Variants in NR2F1-AS1 observed in about 807,000 individuals in gnomAD.
The protein encoded by NR2F1-AS1 is NR2F1 antisense RNA 1.
intron 4 of NR2F1-AS1, among the ~76,000 whole-genome samples, chr5:93,509,294 T>G (rs1751248181): frequency 6.6e-6 from 1 of 152,124 alleles, no homozygotes; most frequent in South Asian, 2.1e-4. Context: ...CAGAACTCTC[T>G]GCAATAATGA....
chr5:93,505,101 T>C (rs1446698287), intron 4 of NR2F1-AS1, among the ~76,000 whole-genome samples: 1 of 152,106 alleles, frequency 6.6e-6, no homozygotes, highest in African/African-American at 2.4e-5. Context: ...ATACAGCTGT[T>C]CCAAATGAAA....
chr5:93,571,253 C>G (rs1752760141), intron 1 of NR2F1-AS1: 1 of 151,408 alleles, frequency 6.6e-6, no homozygotes. Flanking sequence ...CCATTCGGGG[C>G]GGGGAGCTTC....
intron 4 of NR2F1-AS1, among the ~76,000 whole-genome samples, chr5:93,534,910 C>T (rs1157105938): frequency 5.9e-5 from 9 of 152,188 alleles, no homozygotes; most frequent in Non-Finnish European, 1.3e-4. Flanking sequence ...GCTCCTAACT[C>T]TTGGTTCTCC....
chr5:93,529,288 T>C (rs1340841946), intron 4 of NR2F1-AS1, among the ~76,000 whole-genome samples: 1 of 152,150 alleles, frequency 6.6e-6, no homozygotes, highest in African/African-American at 2.4e-5. Flanking sequence ...TACTGGCAAT[T>C]GTACTGAGAC....
chr5:93,514,901 G>T (rs919853832), intron 4 of NR2F1-AS1, among the ~76,000 whole-genome samples: 6 of 151,968 alleles, frequency 3.9e-5, no homozygotes, highest in Admixed American at 1.3e-4. Flanking sequence ...AATAGTCCAT[G>T]TAACAAAGCA....
chr5:93,581,767 CCCTCT>C (rs1341823546), upstream of NR2F1-AS1, among the ~76,000 whole-genome samples: 1 of 4,692 alleles, frequency 2.1e-4, no homozygotes, highest in Non-Finnish European at 5.9e-4. Context: ...TCTCCTCTCT[CCCTCT>C]CCCTCTCCCT....
intron 4 of NR2F1-AS1, among the ~76,000 whole-genome samples, chr5:93,515,615 G>A (rs918960003): frequency 6.6e-6 from 1 of 151,848 alleles, no homozygotes; most frequent in African/African-American, 2.4e-5. Context: ...ATCTAGCATA[G>A]TGTCTGGCTT....
At chr5:93,495,968 GTAT>G (rs1470216199) in intron 4 of NR2F1-AS1, 3 of 151,972 alleles carry the variant, frequency 2.0e-5, no homozygotes, top group Non-Finnish European at 4.4e-5. Flanking sequence ...AAGATAGATG[GTAT>G]TATTACCATA....
chr5:93,458,650 A>T (rs1295747506), intron 4 of NR2F1-AS1, among the ~76,000 whole-genome samples: 2 of 152,172 alleles, frequency 1.3e-5, no homozygotes, highest in Non-Finnish European at 2.9e-5. Flanking sequence ...AAAACAAAAA[A>T]CCAAAAATAA....
intron 4 of NR2F1-AS1, among the ~76,000 whole-genome samples, chr5:93,415,283 CTA>C (rs1433057844): frequency 6.6e-6 from 1 of 151,882 alleles, no homozygotes; most frequent in Non-Finnish European, 1.5e-5. Flanking sequence ...CAACATGAGA[CTA>C]TGTCTTTTTT....
chr5:93,568,948 T>C (rs1752678527), intron 1 of NR2F1-AS1, among the ~76,000 whole-genome samples: 1 of 152,198 alleles, frequency 6.6e-6, no homozygotes, highest in Admixed American at 6.5e-5. Flanking sequence ...TAGACTGCTT[T>C]GGGCCCCAAA....
chr5:93,549,207 G>A (rs1313817320), intron 4 of NR2F1-AS1, among the ~76,000 whole-genome samples: 2 of 151,956 alleles, frequency 1.3e-5, no homozygotes, highest in Non-Finnish European at 2.9e-5. Flanking sequence ...AAAATACTAA[G>A]ATAAAAAATT....
chr5:93,500,047 A>C (rs554240359), intron 4 of NR2F1-AS1, among the ~76,000 whole-genome samples: 1 of 152,356 alleles, frequency 6.6e-6, no homozygotes, highest in African/African-American at 2.4e-5. Context: ...TCCAGAACAA[A>C]AAAGCACAAG....
At chr5:93,517,193 T>C (rs1751415077) in intron 4 of NR2F1-AS1, among the ~76,000 whole-genome samples, 1 of 151,970 alleles carries the variant, frequency 6.6e-6, no homozygotes, top group Non-Finnish European at 1.5e-5. Context: ...GAATAAGTAA[T>C]TGTTTGATAC....
chr5:93,491,594 C>T (rs72786611), intron 4 of NR2F1-AS1, among the ~76,000 whole-genome samples: 262 of 152,128 alleles, frequency 1.7e-3, no homozygotes, highest in Non-Finnish European at 2.1e-3. Flanking sequence ...AATCAGTTAA[C>T]AAAGGAAAGA....
At chr5:93,424,513 C>T (rs1239931329) in intron 4 of NR2F1-AS1, among the ~76,000 whole-genome samples, 1 of 152,006 alleles carries the variant, frequency 6.6e-6, no homozygotes, top group African/African-American at 2.4e-5. Context: ...TCTCTTCTTC[C>T]TCAAGAACAC....
chr5:93,422,353 C>A (rs896811981), intron 4 of NR2F1-AS1: 3 of 152,306 alleles, frequency 2.0e-5, no homozygotes, highest in Non-Finnish European at 2.9e-5. Context: ...GTGTGTGCTG[C>A]AGAATGGCAG....
intron 4 of NR2F1-AS1, among the ~76,000 whole-genome samples, chr5:93,458,151 GA>G (rs1194337035): frequency 6.6e-6 from 1 of 152,212 alleles, no homozygotes; most frequent in African/African-American, 2.4e-5. Context: ...AAAGTATAGA[GA>G]AAGAAAAGTG....
At chr5:93,568,908 G>C (rs1157169313) in intron 1 of NR2F1-AS1, among the ~76,000 whole-genome samples, 1 of 152,164 alleles carries the variant, frequency 6.6e-6, no homozygotes, top group Non-Finnish European at 1.5e-5. Flanking sequence ...TACTACCCTT[G>C]ACAGTGACAA....
Sources: gnomAD v4.1 joint callset for allele counts (sites outside exome capture counted in the v4.1 genomes callset) on GRCh38, gnomAD v4.1.1 for gene constraint, MANE v1.5 for transcripts, NCBI Gene and HGNC (gene_info 2026-07-23, HGNC 2026-07-21) for gene names.